EP300: variants seen among roughly 807,000 people sequenced by gnomAD.
EP300 encodes the protein histone acetyltransferase p300.
Under a neutral mutation model 264.0 loss-of-function variants are expected in EP300, and 31 were observed. The ratio of observed to expected loss-of-function variants is 0.12; its 90% CI spans 0.09 to 0.16. The LOEUF (loss-of-function observed/expected upper bound fraction) is 0.16. EP300 is among the 10% of genes least tolerant of loss of function. The pLI is 1.00. For synonymous variants in EP300, 1,340 were observed against 1,045.4 expected (o/e 1.28, Z -5.44); for missense variants, 2,766 against 3,052.9 (o/e 0.91, Z 2.21).
At chr22:41,147,480 G>A (rs988287440) in intron 11 of EP300, among the ~76,000 whole-genome samples, 1 of 152,154 alleles carries the variant, frequency 6.6e-6, no homozygotes, top group African/African-American at 2.4e-5. Flanking sequence ...GCTCACGCCT[G>A]TAATCCCAGC....
At chr22:41,174,668 G>T (rs1429293849) in intron 29 of EP300, 1 of 151,912 alleles carries the variant, frequency 6.6e-6, no homozygotes, top group African/African-American at 2.4e-5. Context: ...TTGTCCAATG[G>T]TAGTAATCTC....
At chr22:41,168,236 A>G (rs972660415) in intron 23 of EP300, 4 of 580,508 alleles carry the variant, frequency 6.9e-6, no homozygotes, top group Non-Finnish European at 6.1e-6. Flanking sequence ...TAGCACATGT[A>G]TTAAAATTAG....
intron 23 of EP300, among the ~76,000 whole-genome samples, chr22:41,167,584 G>GTATATATATATA (rs56131556): frequency 1.1e-3 from 38 of 34,428 alleles, no homozygotes; most frequent in Non-Finnish European, 1.4e-3. Context: ...GTGTGTGTGT[G>GTATATATATATA]TATATATATA....
chr22:41,110,069 A>G (rs1329150196), intron 1 of EP300, among the ~76,000 whole-genome samples: 2 of 147,444 alleles, frequency 1.4e-5, no homozygotes, highest in Admixed American at 6.9e-5. Flanking sequence ...TCGGCCTCCC[A>G]AAGTGCTGGG....
At chr22:41,113,167 C>CCCCCG (rs3044636) in intron 1 of EP300, among the ~76,000 whole-genome samples, 1 of 144,116 alleles carries the variant, frequency 6.9e-6, no homozygotes, top group Non-Finnish European at 1.5e-5. Context: ...ACCCCCCCCC[C>CCCCCG]AACTTATGCT....
At chr22:41,101,948 C>CT (rs2058734136) in intron 1 of EP300, among the ~76,000 whole-genome samples, 1 of 151,814 alleles carries the variant, frequency 6.6e-6, no homozygotes, top group South Asian at 2.1e-4. Context: ...ACTAGAGACT[C>CT]TGTTTCAAAG....
chr22:41,099,218 C>G (rs2058718141), intron 1 of EP300, among the ~76,000 whole-genome samples: 1 of 152,084 alleles, frequency 6.6e-6, no homozygotes, highest in Non-Finnish European at 1.5e-5. Context: ...TGCGCAGCAC[C>G]ATGCCCGGCT....
chr22:41,157,535 C>CTTTT, intron 18 of EP300, 127 bp downstream of exon 18: 1 of 776,830 alleles, frequency 1.3e-6, no homozygotes, highest in Non-Finnish European at 1.8e-6. Flanking sequence ...TTTTTTTTTT[C>CTTTT]CTTTTTGACA....
rs1386790465 is a variant in EP300, at chr22:41,117,743, C to G, written c.651C>G (p.Asn217Lys). The G allele has an allele frequency of 1.2e-6, 2 of 1,614,106 alleles. No homozygotes were observed. The highest frequency in any genetic ancestry group is 2.7e-5 in the African/African-American group (2 of 74,936). Residue 217 changes from asparagine to lysine, a missense_variant, in exon 2 of 31, where the codon AAC (asparagine) becomes AAG (lysine). Asn to Lys is a moderately conservative substitution (Grantham distance 94). Transcript: ENST00000263253. Reference protein sequence around the residue: ...YPNPGMGSAGNLLTEPLQQGS... With the variant: ...YPNPGMGSAGKLLTEPLQQGS... The stretch of plus-strand genomic sequence containing the variant: ...ACCCAGGCATGGGAAGTGCTGGCAA[C>G]TTACTGACTGAGCCTCTTCAGCAGG...
At chr22:41,097,852 G>A (rs1225869801) in intron 1 of EP300, among the ~76,000 whole-genome samples, 1 of 151,616 alleles carries the variant, frequency 6.6e-6, no homozygotes, top group Non-Finnish European at 1.5e-5. Context: ...CTGCCACCAT[G>A]CCCAGCTAAT....
chr22:41,152,484 G>C (rs1569108690), intron 16 of EP300, 134 bp downstream of exon 16: 2 of 990,660 alleles, frequency 2.0e-6, no homozygotes, highest in Non-Finnish European at 3.0e-6. Flanking sequence ...CCTGGGCCTG[G>C]TCTCTTCATT....
In EP300 at chr22:41,151,936, A is replaced by C; in HGVS notation, c.2921A>C (p.Gln974Pro). ...GCCATTGCTGAGAAGCAGCCTTCCCAGGAAGTGAAGATGGAGGCCAAAATG... is the reference window on the plus strand; with the variant it reads ...GCCATTGCTGAGAAGCAGCCTTCCCCGGAAGTGAAGATGGAGGCCAAAATG... ...SQAIAEKQPS[Q>P]EVKMEAKMEV... Residue 974 changes from glutamine to proline, a missense_variant, in exon 15 of 31, where the codon CAG becomes CCG. Gln to Pro is a moderately conservative substitution (Grantham distance 76). Coordinates refer to ENST00000263253, the MANE Select transcript of EP300 (RefSeq NM_001429.4). The C allele has an allele frequency of 6.2e-7, 1 of 1,614,170 alleles. No individual in the cohort carries two copies. Among genetic ancestry groups the C allele is most frequent in the South Asian group, 1.1e-5 (1 of 91,084 alleles).
At chr22:41,157,863 C>CTTAATATGAAATGGGCTTT (rs2059086183) in intron 18 of EP300, among the ~76,000 whole-genome samples, 1 of 152,124 alleles carries the variant, frequency 6.6e-6, no homozygotes, top group Admixed American at 6.5e-5. Flanking sequence ...AGTAATATCT[C>CTTAATATGAAATGGGCTTT]TTAATATGAA....
At chr22:41,159,501 A>G (rs759899117) in intron 19 of EP300, 3 of 152,226 alleles carry the variant, frequency 2.0e-5, no homozygotes, top group Non-Finnish European at 4.4e-5. Context: ...TAAAAAAGCA[A>G]GTAACTGGAC....
At chr22:41,140,357 G>A (rs1313289965) in intron 9 of EP300, 100 bp downstream of exon 9, 3 of 847,976 alleles carry the variant, frequency 3.5e-6, no homozygotes, top group Non-Finnish European at 6.2e-6. Flanking sequence ...GCTTCAGACG[G>A]GGGACACGCT....
chr22:41,117,149 G>C, intron 1 of EP300, 38 bp from the exon 2 acceptor site: 1 of 1,591,706 alleles, frequency 6.3e-7, no homozygotes, highest in South Asian at 1.1e-5. Context: ...TTTTGGTTTT[G>C]TCATACTTTG....
intron 26 of EP300, 117 bp downstream of exon 26, chr22:41,169,733 C>A: frequency 1.5e-6 from 1 of 686,154 alleles, no homozygotes; most frequent in Non-Finnish European, 2.6e-6. Flanking sequence ...TTAGTTCTTA[C>A]GTAACAATTC....
intron 1 of EP300, among the ~76,000 whole-genome samples, chr22:41,106,118 A>G (rs1449236297): frequency 1.3e-5 from 2 of 152,186 alleles, no homozygotes; most frequent in Non-Finnish European, 2.9e-5. Flanking sequence ...CTTTTTTTAA[A>G]TGAAGTACTG....
rs752536439 is a variant in EP300, at chr22:41,149,961, A to C, written c.2580A>C (p.Pro860=). 1 of 1,612,758 alleles carries C rather than the reference A, an allele frequency of 6.2e-7. No homozygotes were observed. The highest frequency in any genetic ancestry group is 8.5e-7 in the Non-Finnish European group (1 of 1,179,778). Residue 860 remains proline, a synonymous_variant, in exon 14 of 31, where the codon CCA becomes CCC. Transcript: ENST00000263253. ...GAQQPPATTI[P]APVPTPPAMP... ...AGCAGCCACCAGCAACAACAATTCC[A>C]GCCCCTGTTCCTACACCTCCTGCCA...
Sources: allele counts gnomAD v4.1 joint callset (sites outside exome capture counted in the v4.1 genomes callset), GRCh38; gene constraint gnomAD v4.1.1; transcripts MANE v1.5; gene names NCBI Gene and HGNC (gene_info 2026-07-23, HGNC 2026-07-21).